TLK1: variants seen among roughly 807,000 people sequenced by gnomAD.
TLK1 encodes serine/threonine-protein kinase tousled-like 1.
In TLK1, 24 loss-of-function variants were observed where a neutral mutation model predicts 105.3. That is an observed-to-expected ratio of 0.23 (90% CI 0.17 to 0.32). TLK1 has a LOEUF of 0.32. Ranked by LOEUF, TLK1 falls within the 10% of genes least tolerant of loss-of-function variation. The pLI is 1.00. For synonymous variants in TLK1, 321 were observed against 310.4 expected (o/e 1.03, Z -0.36); for missense variants, 558 against 910.5 (o/e 0.61, Z 4.98).
chr2:171,120,110 G>T (rs966881233), intron 1 of TLK1, among the ~76,000 whole-genome samples: 9 of 152,014 alleles, frequency 5.9e-5, no homozygotes, highest in African/African-American at 2.2e-4. Flanking sequence ...TTAGCCGAGC[G>T]TGGTGGTGTG....
chr2:171,168,017 C>T (rs1692641988), intron 1 of TLK1, among the ~76,000 whole-genome samples: 1 of 151,716 alleles, frequency 6.6e-6, no homozygotes, highest in Admixed American at 6.6e-5. Context: ...CTAAATTTTA[C>T]TGATTAAACC....
chr2:171,149,014 AGTT>A (rs936165532), intron 1 of TLK1, among the ~76,000 whole-genome samples: 1 of 147,056 alleles, frequency 6.8e-6, no homozygotes, highest in Non-Finnish European at 1.5e-5. Context: ...AACTTAATCT[AGTT>A]GTTGGTCTCA....
chr2:171,151,684 C>T (rs961676758), intron 1 of TLK1, among the ~76,000 whole-genome samples: 7 of 151,174 alleles, frequency 4.6e-5, no homozygotes, highest in African/African-American at 1.7e-4. Context: ...ACCGTGTTAG[C>T]CAGGATGGTC....
intron 8 of TLK1, 25 bp from the exon 9 acceptor site, chr2:171,050,199 G>A: frequency 1.3e-6 from 2 of 1,542,352 alleles, no homozygotes; most frequent in Non-Finnish European, 1.8e-6. Context: ...GAAAATGCAA[G>A]AGGTCTAGAC....
chr2:171,029,415 A>G (rs1279508233), intron 11 of TLK1, among the ~76,000 whole-genome samples: 1 of 152,196 alleles, frequency 6.6e-6, no homozygotes, highest in Non-Finnish European at 1.5e-5. Flanking sequence ...GGATCACTGG[A>G]GCCCAGGAAT....
At chr2:171,010,602 G>A (rs1166289365) in intron 14 of TLK1, among the ~76,000 whole-genome samples, 1 of 138,242 alleles carries the variant, frequency 7.2e-6, no homozygotes, top group Non-Finnish European at 1.5e-5. Flanking sequence ...TAAAGGTTAG[G>A]CTAAAAGATA....
At chr2:171,055,200 T>TTGA in intron 6 of TLK1, 28 bp from the exon 7 acceptor site, 1 of 943,268 alleles carries the variant, frequency 1.1e-6, no homozygotes, top group Non-Finnish European at 1.4e-6. Context: ...ATTTTTATAT[T>TTGA]AGCAAAAAAA....
At chr2:171,063,015 T>C (rs1687825644) in intron 3 of TLK1, among the ~76,000 whole-genome samples, 2 of 152,128 alleles carry the variant, frequency 1.3e-5, no homozygotes, top group African/African-American at 4.8e-5. Context: ...GAAATAAAAA[T>C]ATCACTACAT....
chr2:171,122,448 C>A (rs1200811742), intron 1 of TLK1, among the ~76,000 whole-genome samples: 1 of 152,118 alleles, frequency 6.6e-6, no homozygotes, highest in Non-Finnish European at 1.5e-5. Flanking sequence ...ATGGGTTCCT[C>A]CACAAACCGA....
rs1692470004 is a variant in TLK1 at position 171,160,873 on chromosome 2, A to G, written c.-445T>C. On this transcript the variant is annotated 5_prime_UTR_variant, in exon 1 of 21. Transcript: ENST00000431350. The surrounding 1 kb of genome is among the most constrained non-coding windows in gnomAD (Gnocchi z 4.4). Reference sequence around the variant, plus strand: ...GGCGGCGGGCTGTGGGTGGCGGCTGAGGCGGTGGGGTAACCTCTGCATCAG... The same window carrying G: ...GGCGGCGGGCTGTGGGTGGCGGCTGGGGCGGTGGGGTAACCTCTGCATCAG... 1.4e-5 allele frequency: 4 copies of G among 296,034 alleles called. No individual in the cohort carries two copies. Among genetic ancestry groups the G allele is most frequent in the Middle Eastern group, 1.9e-3 (2 of 1,052 alleles). 18.3% of individuals were successfully genotyped at this position (296,034 alleles called of 1,614,324 possible). A position where few individuals can be genotyped will look rare whatever the true frequency, so the allele number is the denominator to read the frequency against.
intron 1 of TLK1, among the ~76,000 whole-genome samples, chr2:171,216,931 C>A (rs980055128): frequency 1.3e-5 from 2 of 152,188 alleles, no homozygotes; most frequent in Admixed American, 6.5e-5. Context: ...TGCAGCCCTG[C>A]CTTGATTTCA....
At chr2:171,193,830 C>T (rs947160592) in intron 1 of TLK1, among the ~76,000 whole-genome samples, 1 of 150,820 alleles carries the variant, frequency 6.6e-6, no homozygotes, top group African/African-American at 2.4e-5. Context: ...AATTCTCATG[C>T]CTCAGCCTCC....
chr2:171,201,256 ATGTT>A (rs1213994737), intron 1 of TLK1, among the ~76,000 whole-genome samples: 10 of 152,138 alleles, frequency 6.6e-5, no homozygotes, highest in African/African-American at 2.2e-4. Context: ...TTCATAGAGT[ATGTT>A]TGAGATTAAT....
chr2:171,044,392 G>A (rs981650983), intron 11 of TLK1, among the ~76,000 whole-genome samples: 1 of 152,212 alleles, frequency 6.6e-6, no homozygotes, highest in South Asian at 2.1e-4. Flanking sequence ...GTATGTGTGT[G>A]TAAAGACAGA....
In TLK1 at chr2:171,041,787, T is replaced by C. The variant is rs1001125380; in HGVS notation, c.1169+4387A>G. Among the ~76,000 whole-genome samples, 7 of 152,174 alleles carry C rather than the reference T, an allele frequency of 4.6e-5. No individual in the cohort carries two copies. The East Asian group carries it at 1.2e-3, about 25-fold the overall frequency. ...ATAGTAACTTCATTTTCTATGTTAA[T>C]TTCTTGATAGACAATTGATAACTAG... is the stretch of plus-strand genomic sequence containing the variant. On this transcript the variant is annotated intron_variant, in intron 11 of 20. Transcript: ENST00000431350.
intron 3 of TLK1, among the ~76,000 whole-genome samples, chr2:171,078,071 C>T (rs1173114943): frequency 2.6e-5 from 4 of 152,158 alleles, no homozygotes; most frequent in Non-Finnish European, 5.9e-5. Context: ...TGACCTCTTT[C>T]CTGAATTCCA....
At chr2:171,002,567 C>G (rs1222300144) in intron 18 of TLK1, among the ~76,000 whole-genome samples, 1 of 152,152 alleles carries the variant, frequency 6.6e-6, no homozygotes, top group African/African-American at 2.4e-5. Context: ...AGCCACCGCG[C>G]CTGGCCTGCT....
At chr2:171,011,039 C>T (rs1684891794) in intron 14 of TLK1, among the ~76,000 whole-genome samples, 1 of 152,168 alleles carries the variant, frequency 6.6e-6, no homozygotes, top group East Asian at 1.9e-4. Flanking sequence ...GGGTCTTGCT[C>T]TGTCACCCAT....
chr2:171,143,288 T>C (rs1025577241), intron 1 of TLK1, among the ~76,000 whole-genome samples: 1 of 152,024 alleles, frequency 6.6e-6, no homozygotes, highest in African/African-American at 2.4e-5. Flanking sequence ...GAGGATCACT[T>C]GAGGTCAGGA....
Sources: gnomAD v4.1 joint callset for allele counts (sites outside exome capture counted in the v4.1 genomes callset) on GRCh38, gnomAD v4.1.1 for gene constraint, Gnocchi (gnomAD v3.1) non-coding constraint, MANE v1.5 for transcripts, NCBI Gene and HGNC (gene_info 2026-07-23, HGNC 2026-07-21) for gene names.